Variants in LMAN2L observed in about 807,000 individuals in gnomAD.
LMAN2L encodes the protein VIP36-like protein.
Under a neutral mutation model 44.3 loss-of-function variants are expected in LMAN2L, and 30 were observed. The ratio of observed to expected loss-of-function variants is 0.68; its 90% confidence interval spans 0.51 to 0.92. The LOEUF (loss-of-function observed/expected upper bound fraction) is 0.92. LMAN2L is among the 40% of genes least tolerant of loss of function. The pLI is 0.00. For missense variants in LMAN2L, 429 were observed against 446.1 expected (o/e 0.96, Z 0.35); for synonymous variants, 183 against 171.1 (o/e 1.07, Z -0.54).
chr2:96,713,026 C>G, intron 4 of LMAN2L: 1 of 1,259,992 alleles, frequency 7.9e-7, no homozygotes, highest in South Asian at 1.3e-5. Flanking sequence ...CTGAGACAAC[C>G]ACATGGACTT....
chr2:96,711,532 A>C, intron 6 of LMAN2L, 124 bp downstream of exon 6: 1 of 639,902 alleles, frequency 1.6e-6, no homozygotes, highest in Non-Finnish European at 2.8e-6. Context: ...AAGGAGAAGC[A>C]GTCTTGAGGC....
chr2:96,711,587 G>T, intron 6 of LMAN2L, 69 bp downstream of exon 6: 1 of 1,012,658 alleles, frequency 9.9e-7, no homozygotes, highest in Non-Finnish European at 1.6e-6. Flanking sequence ...CCTGTGAGAG[G>T]CCTCAATGAA....
intron 6 of LMAN2L, 140 bp from the exon 7 acceptor site, chr2:96,707,973 G>T: frequency 1.2e-6 from 1 of 829,936 alleles, no homozygotes; most frequent in Non-Finnish European, 1.9e-6. Flanking sequence ...TCTCCATTTT[G>T]CAACTAAAAA....
At chr2:96,712,846 C>T (rs2077957429) in intron 4 of LMAN2L, among the ~76,000 whole-genome samples, 1 of 152,222 alleles carries the variant, frequency 6.6e-6, no homozygotes. Context: ...AAATGGCGAA[C>T]TAATCATTCC....
chr2:96,726,530 C>T (rs577731923), intron 4 of LMAN2L, among the ~76,000 whole-genome samples: 1 of 152,246 alleles, frequency 6.6e-6, no homozygotes, highest in Non-Finnish European at 1.5e-5. Flanking sequence ...CGCCTGTAAT[C>T]CCAGCACTTT....
At chr2:96,714,133 A>G (rs763407031) in intron 4 of LMAN2L, among the ~76,000 whole-genome samples, 1 of 152,278 alleles carries the variant, frequency 6.6e-6, no homozygotes, top group African/African-American at 2.4e-5. Context: ...AAAATGCTAT[A>G]AGGAAAATAA....
chr2:96,723,296 A>C (rs1350302800), intron 4 of LMAN2L, among the ~76,000 whole-genome samples: 1 of 152,172 alleles, frequency 6.6e-6, no homozygotes, highest in Non-Finnish European at 1.5e-5. Flanking sequence ...ATGGCTGATG[A>C]TGCTCAGCCT....
At chr2:96,739,500 G>A (rs965336722) in intron 1 of LMAN2L, among the ~76,000 whole-genome samples, 2 of 152,044 alleles carry the variant, frequency 1.3e-5, no homozygotes, top group Non-Finnish European at 2.9e-5. Flanking sequence ...TTTATTTCTA[G>A]CACATCCACA....
At chr2:96,728,571 G>A (rs923917116) in intron 4 of LMAN2L, among the ~76,000 whole-genome samples, 6 of 151,192 alleles carry the variant, frequency 4.0e-5, no homozygotes, top group African/African-American at 1.2e-4. Flanking sequence ...GGCTGGGTGC[G>A]GTGGTTCACG....
intron 4 of LMAN2L, among the ~76,000 whole-genome samples, chr2:96,720,789 A>G (rs1379323905): frequency 6.6e-6 from 1 of 152,122 alleles, no homozygotes; most frequent in Non-Finnish European, 1.5e-5. Context: ...AAATACAAAA[A>G]TTAGCCAGGC....
intron 4 of LMAN2L, among the ~76,000 whole-genome samples, chr2:96,729,812 T>C (rs151320245): frequency 1.1e-3 from 168 of 152,224 alleles, no homozygotes; most frequent in African/African-American, 3.7e-3. Flanking sequence ...GGCCTTAAAT[T>C]TAGTTTTATA....
chr2:96,732,727 C>T (rs2078429839), intron 4 of LMAN2L, among the ~76,000 whole-genome samples: 1 of 150,924 alleles, frequency 6.6e-6, no homozygotes, highest in Admixed American at 6.6e-5. Context: ...CAGCCAGATA[C>T]TAGGTTCCAA....
Position 96,711,936 on chromosome 2 carries a change from G to A in LMAN2L, c.597C>T (p.Gly199=). 1.2e-6 allele frequency: 2 copies of A among 1,614,182 alleles called. No individual in the cohort carries two copies. The highest frequency in any genetic ancestry group is 1.7e-6 in the Non-Finnish European group (2 of 1,180,032). ...GAAGATTGCGGACAATGGCTGTGCA[G>A]CCTCCCAGCTCTGTAGGCCGCCCAT... ...ERDGRPTELG[G]CTAIVRNLHY... is the part of the protein sequence containing the mutation. The change falls in exon 5 of 8, where the codon GGC becomes GGT. Residue 199 remains glycine (G), a synonymous_variant. Transcript: ENST00000264963.
intron 4 of LMAN2L, among the ~76,000 whole-genome samples, chr2:96,730,684 T>TCTC (rs1376821304): frequency 4.2e-5 from 6 of 141,438 alleles, no homozygotes; most frequent in African/African-American, 1.5e-4. Context: ...CTCTCTCTCT[T>TCTC]TTTTTTGAGA....
chr2:96,713,898 G>C (rs906711038), intron 4 of LMAN2L, among the ~76,000 whole-genome samples: 1 of 152,214 alleles, frequency 6.6e-6, no homozygotes, highest in African/African-American at 2.4e-5. Context: ...TTAGCGACAA[G>C]AGGTACCTAC....
At chr2:96,723,997 G>A (rs1290124093) in intron 4 of LMAN2L, among the ~76,000 whole-genome samples, 1 of 151,898 alleles carries the variant, frequency 6.6e-6, no homozygotes, top group African/African-American at 2.4e-5. Flanking sequence ...TACTCGGGAG[G>A]CTGAGGCAGG....
rs1343661086 is a variant in LMAN2L at position 96,731,042 on chromosome 2, C to T, written c.507+2477G>A. On this transcript the variant is annotated intron_variant, in intron 4 of 7. Transcript: ENST00000264963. ...CTGCATGGGACACGGGTTCCTTACTCTGCAGACCTCAACCTAAAAGGCACT... is the reference window on the plus strand; with the variant it reads ...CTGCATGGGACACGGGTTCCTTACTTTGCAGACCTCAACCTAAAAGGCACT... 2.0e-5 allele frequency among the ~76,000 whole-genome samples: 3 copies of T among 152,140 alleles called. No homozygotes were observed. In the East Asian group the frequency reaches 5.8e-4, roughly 29 times the overall value.
chr2:96,718,900 T>G (rs910048047), intron 4 of LMAN2L, among the ~76,000 whole-genome samples: 4 of 152,112 alleles, frequency 2.6e-5, no homozygotes, highest in Admixed American at 6.6e-5. Flanking sequence ...CTGGAAACCT[T>G]CATATAATTG....
intron 4 of LMAN2L, among the ~76,000 whole-genome samples, chr2:96,723,957 G>T (rs528255084): frequency 6.4e-4 from 98 of 152,082 alleles, no homozygotes; most frequent in Non-Finnish European, 1.1e-3. Context: ...AAAATAGCCA[G>T]GCGTGGTGGC....
Sources: gnomAD v4.1 joint callset for allele counts (sites outside exome capture counted in the v4.1 genomes callset) on GRCh38, gnomAD v4.1.1 for gene constraint, MANE v1.5 for transcripts, NCBI Gene and HGNC (gene_info 2026-07-23, HGNC 2026-07-21) for gene names.